Variants in SNRPF observed in about 807,000 individuals in gnomAD.
SNRPF encodes small nuclear ribonucleoprotein F.
Under a neutral mutation model 13.4 loss-of-function variants are expected in SNRPF, and 1 was observed. That is an observed-to-expected ratio of 0.07 (90% CI 0.03 to 0.35). The LOEUF (loss-of-function observed/expected upper bound fraction) is 0.35, where lower values mean the gene tolerates loss of function less well. Among genes scored for constraint, SNRPF ranks in the 10% least tolerant of loss-of-function variants. The pLI, the probability that SNRPF is intolerant of heterozygous loss-of-function variation, is 0.99. For missense variants in SNRPF, 53 were observed against 101.0 expected (o/e 0.52, Z 2.04); for synonymous variants, 27 against 32.1 (o/e 0.84, Z 0.54).
chr12:95,860,109 G>A lies in SNRPF; in HGVS notation c.3+1033G>A, dbSNP rs560427271. Among the ~76,000 whole-genome samples the A allele has an allele frequency of 3.2e-4, 49 of 152,296 alleles. No individual in the cohort carries two copies. The South Asian group carries it at 1.0e-2, about 31-fold the overall frequency. On this transcript the variant is annotated intron_variant, in intron 1 of 3. Coordinates refer to ENST00000266735, the MANE Select transcript of SNRPF (RefSeq NM_003095.5). ...ACCGAAATCACTGGAGATGTTAATG[G>A]TTTGCTGAATAAATAGACATTAAGT...
chr12:95,863,851 G>A (rs1795087118), intron 2 of SNRPF, among the ~76,000 whole-genome samples: 1 of 152,188 alleles, frequency 6.6e-6, no homozygotes, highest in South Asian at 2.1e-4. Context: ...GCAGAAGCAT[G>A]CTTGGTGTGT....
intron 2 of SNRPF, chr12:95,861,609 CT>C (rs1302560232): frequency 4.4e-5 from 10 of 228,732 alleles, no homozygotes; most frequent in Non-Finnish European, 8.6e-6. Flanking sequence ...TCATTTAGCC[CT>C]GAAAGAAAGT....
chr12:95,860,125 G>A (rs1330505244), intron 1 of SNRPF, among the ~76,000 whole-genome samples: 1 of 152,220 alleles, frequency 6.6e-6, no homozygotes, highest in Non-Finnish European at 1.5e-5. Flanking sequence ...TGAATAAATA[G>A]ACATTAAGTA....
chr12:95,862,515 C>T (rs1322875498), intron 2 of SNRPF, among the ~76,000 whole-genome samples: 1 of 152,026 alleles, frequency 6.6e-6, no homozygotes, highest in Admixed American at 6.6e-5. Context: ...GAGTTTGAGA[C>T]CAGCCTGGGC....
chr12:95,864,302 T>C (rs1475375671), intron 2 of SNRPF, among the ~76,000 whole-genome samples: 1 of 152,230 alleles, frequency 6.6e-6, no homozygotes, highest in Non-Finnish European at 1.5e-5. Context: ...CCTCCCTCTC[T>C]CCCATCACTC....
intron 2 of SNRPF, chr12:95,861,891 C>T (rs2079498208): frequency 6.6e-6 from 1 of 152,232 alleles, no homozygotes. Flanking sequence ...TAAGTACCTT[C>T]ACATTGTTCT....
At chr12:95,861,777 T>C (rs900743175) in intron 2 of SNRPF, 7 of 153,904 alleles carry the variant, frequency 4.5e-5, no homozygotes, top group African/African-American at 1.7e-4. Flanking sequence ...TTCAGCCATG[T>C]GTTTTGGTGG....
rs1030013172 is a variant in SNRPF at position 95,859,115 on chromosome 12, GAGA to G, written c.3+42_3+44del. 3.2e-6 allele frequency: 5 copies of G among 1,561,686 alleles called. No homozygotes were observed. In the Admixed American group the frequency reaches 5.1e-5, roughly 16 times the overall value. ...GAACGGCGGGAGAAGCGGGGAGAAA[GAGA>G]AGGAGGGAGACCAGCCTCGCGGGGC... On this transcript the variant is annotated intron_variant, in intron 1 of 3. Transcript: ENST00000266735.
chr12:95,864,210 C>G (rs1450206381), intron 2 of SNRPF, among the ~76,000 whole-genome samples: 1 of 152,096 alleles, frequency 6.6e-6, no homozygotes, highest in African/African-American at 2.4e-5. Context: ...GTTTTTCATG[C>G]CTTATGAAAC....
intron 1 of SNRPF, 115 bp downstream of exon 1, chr12:95,859,191 G>T (rs1251625673): frequency 5.6e-6 from 5 of 893,122 alleles, no homozygotes; most frequent in South Asian, 1.4e-5. Flanking sequence ...GAGGCGCCGC[G>T]CACCCTGTCG....
At chr12:95,865,747 C>T (rs1565937630) in intron 3 of SNRPF, among the ~76,000 whole-genome samples, 2 of 152,010 alleles carry the variant, frequency 1.3e-5, no homozygotes, top group South Asian at 4.1e-4. Flanking sequence ...CTTCAAAGCT[C>T]CAAATTCTGG....
intron 3 of SNRPF, 87 bp downstream of exon 3, chr12:95,865,475 AT>A: frequency 1.6e-6 from 1 of 611,874 alleles, no homozygotes; most frequent in Admixed American, 2.6e-5. Flanking sequence ...CAATTTTGGA[AT>A]TACTTTTTTT....
Position 95,859,010 on chromosome 12 carries a change from T to A in SNRPF, c.-64T>A. 6.2e-7 allele frequency: 1 copy of A among 1,605,294 alleles called. No individual in the cohort carries two copies. Among genetic ancestry groups the A allele is most frequent in the Non-Finnish European group, 8.5e-7 (1 of 1,177,166 alleles). ...TCGGGACCTGCGGTACCTGCTGTAGTCACGAGGGACGGGCGGCGGCCTGGT... is the reference window on the plus strand; with the variant it reads ...TCGGGACCTGCGGTACCTGCTGTAGACACGAGGGACGGGCGGCGGCCTGGT... On this transcript the variant is annotated 5_prime_UTR_variant, in exon 1 of 4. Transcript: ENST00000266735.
chr12:95,862,099 C>T (rs2079499128), intron 2 of SNRPF, among the ~76,000 whole-genome samples: 1 of 152,192 alleles, frequency 6.6e-6, no homozygotes, highest in South Asian at 2.1e-4. Context: ...GTGCATAATA[C>T]CTCATGTAAG....
intron 3 of SNRPF, 25 bp downstream of exon 3, chr12:95,865,413 A>G (rs762019784): frequency 1.0e-5 from 12 of 1,155,794 alleles, no homozygotes; most frequent in Non-Finnish European, 1.6e-5. Flanking sequence ...TAGTATATGT[A>G]AGGAGTTACT....
intron 1 of SNRPF, 117 bp downstream of exon 1, chr12:95,859,193 AC>A: frequency 1.1e-6 from 1 of 893,338 alleles, no homozygotes; most frequent in Non-Finnish European, 1.8e-6. Context: ...GGCGCCGCGC[AC>A]CCTGTCGCCA....
chr12:95,858,964 C>T lies in SNRPF; in HGVS notation c.-110C>T, dbSNP rs769241542. The stretch of plus-strand genomic sequence containing the variant: ...AAAGGTCATAGTCCTGTTTGGCGGC[C>T]ATTTCTCTTGAAACTGCGGCTCGGG... On this transcript the variant is annotated 5_prime_UTR_variant, in exon 1 of 4. Coordinates refer to ENST00000266735, the MANE Select transcript of SNRPF (RefSeq NM_003095.5). 9.8e-6 allele frequency: 15 copies of T among 1,527,688 alleles called. No individual in the cohort carries two copies. The highest frequency in any genetic ancestry group is 1.9e-5 in the Admixed American group (1 of 52,152). 94.6% of individuals were successfully genotyped at this position (1,527,688 alleles called of 1,614,324 possible).
At chr12:95,859,551 T>G (rs777323604) in intron 1 of SNRPF, among the ~76,000 whole-genome samples, 2 of 152,156 alleles carry the variant, frequency 1.3e-5, no homozygotes, top group Admixed American at 6.5e-5. Flanking sequence ...CGTTAGACAT[T>G]AGAGGCTTAG....
intron 2 of SNRPF, 79 bp downstream of exon 2, chr12:95,861,372 A>G (rs1009122058): frequency 8.5e-6 from 11 of 1,293,036 alleles, no homozygotes; most frequent in Admixed American, 2.0e-5. Context: ...AGTCTGACTA[A>G]TAAGAATACA....
Sources: gnomAD v4.1 joint callset for allele counts (sites outside exome capture counted in the v4.1 genomes callset) on GRCh38, gnomAD v4.1.1 for gene constraint, MANE v1.5 for transcripts, NCBI Gene and HGNC (gene_info 2026-07-23, HGNC 2026-07-21) for gene names.